PHC3: variants seen among roughly 807,000 people sequenced by gnomAD.
PHC3 encodes the protein polyhomeotic homolog 3.
PHC3 carries 13 observed loss-of-function variants against 107.4 expected under a neutral mutation model. That is an observed-to-expected ratio of 0.12 (90% confidence interval 0.08 to 0.19). The LOEUF is 0.19. Ranked by LOEUF, PHC3 falls within the 10% of genes least tolerant of loss-of-function variation. The probability of loss-of-function intolerance (pLI) is 1.00; values close to 1 mark genes in which losing one functional copy is unlikely to be tolerated. For missense variants in PHC3, 992 were observed against 1,210.9 expected, an observed-to-expected ratio of 0.82 and a Z score of 2.68; for synonymous variants, 456 against 427.4, an observed-to-expected ratio of 1.07 and a Z score of -0.83.
intron 7 of PHC3, among the ~76,000 whole-genome samples, chr3:170,133,847 G>A (rs1387000840): frequency 6.6e-6 from 1 of 152,168 alleles, no homozygotes; most frequent in Non-Finnish European, 1.5e-5. Context: ...AGTTAAGGGG[G>A]ACTGAAAAAT....
chr3:170,165,031 T>A (rs145752444), intron 4 of PHC3, among the ~76,000 whole-genome samples: 2 of 152,218 alleles, frequency 1.3e-5, no homozygotes, highest in East Asian at 3.9e-4. Context: ...AGCACCCCAA[T>A]GCACCCTGCG....
intron 4 of PHC3, among the ~76,000 whole-genome samples, chr3:170,159,120 A>G (rs537831945): frequency 1.1e-4 from 17 of 151,750 alleles, no homozygotes; most frequent in Admixed American, 3.9e-4. Flanking sequence ...GCGTGGTGGC[A>G]GGCGCCTGCA....
intron 1 of PHC3, among the ~76,000 whole-genome samples, chr3:170,180,280 T>C (rs1176431326): frequency 6.6e-6 from 1 of 151,936 alleles, no homozygotes; most frequent in Admixed American, 6.6e-5. Context: ...ACCCTGTCTC[T>C]ACAAATGAAA....
chr3:170,129,660 T>C, intron 7 of PHC3, 108 bp from the exon 8 acceptor site: 1 of 1,173,222 alleles, frequency 8.5e-7, no homozygotes, highest in Non-Finnish European at 1.2e-6. Flanking sequence ...ATCATCAGAA[T>C]TCTATTACAA....
chr3:170,169,871 C>G (rs1384922272), intron 4 of PHC3: 1 of 152,140 alleles, frequency 6.6e-6, no homozygotes, highest in Non-Finnish European at 1.5e-5. Flanking sequence ...ATTTACCACT[C>G]CTTTCCTTAA....
chr3:170,156,282 A>T (rs1011312221), intron 4 of PHC3, among the ~76,000 whole-genome samples: 2 of 151,720 alleles, frequency 1.3e-5, no homozygotes, highest in Non-Finnish European at 1.5e-5. Flanking sequence ...CTTGAGACAG[A>T]GTCTCACTCT....
At chr3:170,117,167 A>C in intron 10 of PHC3, 59 bp downstream of exon 10, 1 of 1,599,308 alleles carries the variant, frequency 6.3e-7, no homozygotes, top group Non-Finnish European at 8.6e-7. Flanking sequence ...GTAATATGTA[A>C]CTTTTAAAAT....
intron 4 of PHC3, among the ~76,000 whole-genome samples, chr3:170,167,293 C>T (rs574374993): frequency 4.0e-4 from 61 of 152,262 alleles, no homozygotes; most frequent in African/African-American, 1.3e-3. Flanking sequence ...GAACTACAGG[C>T]GCTTGCCACC....
At position 170,091,082 on chromosome 3, in the gene PHC3, T is replaced by C. The variant is rs1215152030; in HGVS notation, c.*6148A>G. 6.6e-6 allele frequency: 1 copy of C among 152,176 alleles called. No homozygotes were observed. The highest frequency in any genetic ancestry group is 1.9e-4 in the East Asian group (1 of 5,190). 9.4% of individuals were successfully genotyped at this position (152,176 alleles called of 1,614,324 possible). ...CCACTCTCTCATAAACACCAACTTT[T>C]TCACCACCATCACTTAAAGCTCCAC... On this transcript the variant is annotated 3_prime_UTR_variant, in exon 15 of 15. Transcript: ENST00000495893.
Position 170,102,234 on chromosome 3 carries a change from G to A in PHC3, c.2833+245C>T, listed in dbSNP as rs577932787. 1.1e-5 allele frequency: 11 copies of A among 985,402 alleles called. No individual in the cohort carries two copies. In the South Asian group the frequency reaches 5.2e-4, roughly 46 times the overall value. The allele number at this position is 985,402 out of a possible 1,614,324, so 61.0% of individuals were successfully genotyped here. A position where few individuals can be genotyped will look rare whatever the true frequency, so the allele number is the denominator to read the frequency against. The stretch of plus-strand genomic sequence containing the variant: ...AGCACCTTTAATATCTTCACCGGCT[G>A]AGGTGTCACAGCAGAAGCAGGACTA... On this transcript the variant is annotated intron_variant, in intron 14 of 14. Coordinates refer to ENST00000495893, the MANE Select transcript of PHC3 (RefSeq NM_024947.4).
At chr3:170,159,251 C>CAA (rs1278767405) in intron 4 of PHC3, among the ~76,000 whole-genome samples, 236 of 67,558 alleles carry the variant, frequency 3.5e-3, no homozygotes, top group Middle Eastern at 7.1e-3. Flanking sequence ...GACTCGGTCT[C>CAA]AAAAAAAAAA....
chr3:170,092,191 G>C lies in PHC3; in HGVS notation c.*5039C>G, dbSNP rs1398758989. 1 of 152,028 alleles carries C rather than the reference G, an allele frequency of 6.6e-6. No homozygotes were observed. The highest frequency in any genetic ancestry group is 2.4e-5 in the African/African-American group (1 of 41,372). The allele number at this position is 152,028 out of a possible 1,614,324, so 9.4% of individuals were successfully genotyped here. Reference sequence around the variant, plus strand: ...ATTTTTGTGTTTTTAGTAGAGATAGGGTTTCACCATATTGGTCAGGCTGGT... The same window carrying C: ...ATTTTTGTGTTTTTAGTAGAGATAGCGTTTCACCATATTGGTCAGGCTGGT... On this transcript the variant is annotated 3_prime_UTR_variant, in exon 15 of 15. Transcript: ENST00000495893.
intron 6 of PHC3, among the ~76,000 whole-genome samples, chr3:170,139,656 T>C (rs1723712441): frequency 1.3e-5 from 2 of 152,230 alleles, no homozygotes; most frequent in Admixed American, 1.3e-4. Context: ...ATATATATTA[T>C]TTATGTGAAC....
intron 11 of PHC3, among the ~76,000 whole-genome samples, chr3:170,111,261 A>AGAAGGAAGGAAGGAAG (rs142477519): frequency 3.8e-4 from 46 of 121,370 alleles, no homozygotes; most frequent in South Asian, 6.3e-4. Flanking sequence ...TAAAACAAGA[A>AGAAGGAAGGAAGGAAG]GAAGGAAGGA....
chr3:170,136,270 A>G, intron 7 of PHC3, 149 bp downstream of exon 7: 1 of 912,040 alleles, frequency 1.1e-6, no homozygotes, highest in Non-Finnish European at 1.6e-6. Flanking sequence ...TCTCTTTTCA[A>G]GCTACACATT....
chr3:170,169,330 C>T (rs1729228196), intron 4 of PHC3, among the ~76,000 whole-genome samples: 1 of 152,136 alleles, frequency 6.6e-6, no homozygotes, highest in African/African-American at 2.4e-5. Context: ...AATCAAAACT[C>T]TGAAAACTAC....
intron 11 of PHC3, among the ~76,000 whole-genome samples, chr3:170,108,752 T>C (rs963093975): frequency 4.6e-5 from 7 of 152,178 alleles, no homozygotes; most frequent in African/African-American, 1.7e-4. Flanking sequence ...AACTTCTCAC[T>C]CAACCACCAC....
At position 170,094,956 on chromosome 3, in the gene PHC3, TAC is replaced by T. The variant is rs1252083397; in HGVS notation, c.*2272_*2273del. 6.6e-6 allele frequency: 1 copy of T among 152,176 alleles called. No homozygotes were observed. The highest frequency in any genetic ancestry group is 1.5e-5 in the Non-Finnish European group (1 of 68,036). The allele number at this position is 152,176 out of a possible 1,614,324, so 9.4% of individuals were successfully genotyped here. On this transcript the variant is annotated 3_prime_UTR_variant, in exon 15 of 15. Coordinates refer to ENST00000495893, the MANE Select transcript of PHC3 (RefSeq NM_024947.4). ...TTGATACCTTAAAGGCCATAGGTAA[TAC>T]AGTTATAGGATGTAATCATTATTGC...
At chr3:170,175,896 C>T (rs1460812501) in intron 2 of PHC3, among the ~76,000 whole-genome samples, 21 of 146,720 alleles carry the variant, frequency 1.4e-4, no homozygotes, top group Admixed American at 9.6e-4. Context: ...TGCACTCCAG[C>T]GTGGGCTACA....
Sources: gnomAD v4.1 joint callset for allele counts (sites outside exome capture counted in the v4.1 genomes callset) on GRCh38, gnomAD v4.1.1 for gene constraint, MANE v1.5 for transcripts, NCBI Gene and HGNC (gene_info 2026-07-23, HGNC 2026-07-21) for gene names.